The following DLGAP2 variants were observed in gnomAD, a reference collection of about 807,000 sequenced individuals.
DLGAP2 encodes disks large-associated protein 2.
A neutral mutation model predicts 100.3 loss-of-function variants in DLGAP2; 26 were observed. The observed-to-expected ratio is 0.26, with a 90% CI of 0.19 to 0.36. DLGAP2 has a LOEUF of 0.36. Ranked by LOEUF, DLGAP2 falls within the 10% of genes least tolerant of loss-of-function variation. The probability of loss-of-function intolerance (pLI) is 1.00; values close to 1 mark genes in which losing one functional copy is unlikely to be tolerated. For missense variants in DLGAP2, 1,858 were observed against 1,453.2 expected, an observed-to-expected ratio of 1.28 and a Z score of -4.53; for synonymous variants, 886 against 630.1, an observed-to-expected ratio of 1.41 and a Z score of -6.08.
chr8:1,230,705 A>G (rs1798518080), intron 2 of DLGAP2, among the ~76,000 whole-genome samples: 1 of 152,238 alleles, frequency 6.6e-6, no homozygotes, highest in African/African-American at 2.4e-5. Context: ...ATGAACCCAT[A>G]CAGCTAAAGT....
chr8:1,203,024 G>A (rs1797913037), intron 2 of DLGAP2, among the ~76,000 whole-genome samples: 1 of 152,178 alleles, frequency 6.6e-6, no homozygotes, highest in Non-Finnish European at 1.5e-5. Context: ...CCATCCATCT[G>A]CCGGGCACCC....
intron 2 of DLGAP2, among the ~76,000 whole-genome samples, chr8:1,115,544 G>A (rs555955791): frequency 1.3e-5 from 2 of 152,216 alleles, no homozygotes; most frequent in Non-Finnish European, 2.9e-5. Flanking sequence ...AAGTGCCTAA[G>A]ACAGTGCCTA....
intron 2 of DLGAP2, among the ~76,000 whole-genome samples, chr8:970,600 T>G (rs1157489036): frequency 1.3e-5 from 2 of 152,248 alleles, no homozygotes; most frequent in Admixed American, 1.3e-4. Flanking sequence ...AGAATAACAC[T>G]ATATTGTTTG....
chr8:1,072,039 A>G (rs1803447796), intron 2 of DLGAP2, among the ~76,000 whole-genome samples: 1 of 152,154 alleles, frequency 6.6e-6, no homozygotes, highest in Non-Finnish European at 1.5e-5. Context: ...GGCTGCAGAC[A>G]CCACTCGGAT....
chr8:919,636 C>A (rs989851370), intron 2 of DLGAP2, among the ~76,000 whole-genome samples: 1 of 152,200 alleles, frequency 6.6e-6, no homozygotes, highest in African/African-American at 2.4e-5. Context: ...CCCCGGTGTG[C>A]CCGGGATCCG....
chr8:1,574,342 C>G, intron 6 of DLGAP2, among the ~76,000 whole-genome samples: 1 of 152,156 alleles, frequency 6.6e-6, no homozygotes, highest in East Asian at 1.9e-4. Flanking sequence ...AGAACAACAG[C>G]CATCCCAGCC....
intron 2 of DLGAP2, among the ~76,000 whole-genome samples, chr8:1,177,639 C>T (rs778629198): frequency 3.9e-5 from 6 of 152,182 alleles, no homozygotes; most frequent in Non-Finnish European, 8.8e-5. Context: ...GGGCAGCTGT[C>T]ACAAATACCC....
chr8:1,268,940 C>T (rs926391813), intron 3 of DLGAP2, among the ~76,000 whole-genome samples: 27 of 152,152 alleles, frequency 1.8e-4, no homozygotes, highest in Non-Finnish European at 2.4e-4. Context: ...GGCAGTGGAA[C>T]CCTCAGCTCT....
At chr8:1,699,547 G>C (rs1414018454) in intron 14 of DLGAP2, among the ~76,000 whole-genome samples, 1 of 152,064 alleles carries the variant, frequency 6.6e-6, no homozygotes, top group Non-Finnish European at 1.5e-5. Context: ...CCGGAAGGCA[G>C]AGCTTGTAGT....
At chr8:1,435,795 G>A (rs1043948927) in intron 3 of DLGAP2, among the ~76,000 whole-genome samples, 3 of 152,018 alleles carry the variant, frequency 2.0e-5, no homozygotes, top group Non-Finnish European at 1.5e-5. Flanking sequence ...GAAGCTGGAA[G>A]ATGGTGATAT....
intron 1 of DLGAP2, among the ~76,000 whole-genome samples, chr8:859,997 G>A (rs1797359550): frequency 6.6e-6 from 1 of 152,152 alleles, no homozygotes; most frequent in African/African-American, 2.4e-5. Context: ...GTTAATGGTG[G>A]TAAAAAGTAG....
chr8:1,544,482 G>T (rs1465538903), intron 4 of DLGAP2, among the ~76,000 whole-genome samples: 1 of 152,044 alleles, frequency 6.6e-6, no homozygotes, highest in Non-Finnish European at 1.5e-5. Context: ...TATCATGTTG[G>T]GGAAGTTCCC....
At chr8:1,444,054 G>A (rs565016059) in intron 3 of DLGAP2, among the ~76,000 whole-genome samples, 1 of 152,026 alleles carries the variant, frequency 6.6e-6, no homozygotes, top group South Asian at 2.1e-4. Context: ...TATGTGGATG[G>A]AGGAAAAAAA....
At chr8:1,036,445 A>G (rs573109308) in intron 2 of DLGAP2, among the ~76,000 whole-genome samples, 2 of 152,322 alleles carry the variant, frequency 1.3e-5, no homozygotes, top group South Asian at 2.1e-4. Flanking sequence ...AGGGGACCCT[A>G]CACGGGGTGT....
chr8:871,639 G>C (rs139298010), intron 1 of DLGAP2, among the ~76,000 whole-genome samples: 1 of 152,074 alleles, frequency 6.6e-6, no homozygotes, highest in South Asian at 2.1e-4. Context: ...GGAGCATTTC[G>C]GATTTGGATA....
At chr8:1,487,295 G>A (rs1453880236) in intron 3 of DLGAP2, among the ~76,000 whole-genome samples, 3 of 152,104 alleles carry the variant, frequency 2.0e-5, no homozygotes, top group Non-Finnish European at 4.4e-5. Flanking sequence ...CTAGGCCTGG[G>A]GATATAGATC....
chr8:822,179 A>G, intron 1 of DLGAP2: 1 of 399,482 alleles, frequency 2.5e-6, no homozygotes, highest in East Asian at 3.6e-5. Context: ...CCCAGCCACA[A>G]TGGGGACTGC....
chr8:1,150,240 A>C (rs994179272), intron 2 of DLGAP2, among the ~76,000 whole-genome samples: 1 of 152,210 alleles, frequency 6.6e-6, no homozygotes, highest in African/African-American at 2.4e-5. Flanking sequence ...ATGTTTTCTC[A>C]GCTCTAGAAC....
chr8:1,658,275 T>C (rs917368134), intron 8 of DLGAP2, among the ~76,000 whole-genome samples: 5 of 152,094 alleles, frequency 3.3e-5, no homozygotes, highest in African/African-American at 1.2e-4. Flanking sequence ...CCATATTGAA[T>C]GTACCTGGCT....
Sources: allele counts gnomAD v4.1 joint callset (sites outside exome capture counted in the v4.1 genomes callset), GRCh38; gene constraint gnomAD v4.1.1; transcripts MANE v1.5; gene names NCBI Gene and HGNC (gene_info 2026-07-23, HGNC 2026-07-21).